The following EPB41L3 variants were observed in gnomAD, a reference collection of about 807,000 sequenced individuals.
EPB41L3 encodes erythrocyte membrane protein band 4.1 like 3, also known as band 4.1-like protein 3.
In EPB41L3, 57 loss-of-function variants were observed where a neutral mutation model predicts 127.1. The ratio of observed to expected loss-of-function variants is 0.45; its 90% CI spans 0.36 to 0.56. The LOEUF (loss-of-function observed/expected upper bound fraction) is 0.56. EPB41L3 is among the 20% of genes least tolerant of loss of function. EPB41L3 has a pLI of 0.00. For synonymous variants in EPB41L3, 572 were observed against 549.5 expected (o/e 1.04, Z -0.57); for missense variants, 1,273 against 1,372.2 (o/e 0.93, Z 1.14).
At chr18:5,552,469 C>T (rs1317309154) in intron 3 of EPB41L3, among the ~76,000 whole-genome samples, 3 of 152,176 alleles carry the variant, frequency 2.0e-5, no homozygotes, top group African/African-American at 7.2e-5. Flanking sequence ...ATAGAAGGTT[C>T]CAGCAGGTAC....
chr18:5,426,588 C>T (rs1425898244), intron 9 of EPB41L3, among the ~76,000 whole-genome samples: 2 of 152,156 alleles, frequency 1.3e-5, no homozygotes, highest in African/African-American at 4.8e-5. Flanking sequence ...GATTTAAAAC[C>T]TCCCATGACT....
At chr18:5,522,041 C>G (rs75070605) in intron 1 of EPB41L3, among the ~76,000 whole-genome samples, 4 of 152,060 alleles carry the variant, frequency 2.6e-5, no homozygotes, top group Non-Finnish European at 5.9e-5. Context: ...TTACAACAAG[C>G]AAAAGGGTTA....
chr18:5,408,957 G>A (rs564840645), intron 14 of EPB41L3, among the ~76,000 whole-genome samples: 1 of 152,324 alleles, frequency 6.6e-6, no homozygotes, highest in East Asian at 1.9e-4. Context: ...GAAATTCTAG[G>A]TGAGAAAAGG....
intron 15 of EPB41L3, among the ~76,000 whole-genome samples, chr18:5,407,498 C>T (rs369696777): frequency 1.3e-5 from 2 of 152,108 alleles, no homozygotes; most frequent in African/African-American, 4.8e-5. Flanking sequence ...TTTAATCAGA[C>T]TATTCTGAAA....
intron 5 of EPB41L3, among the ~76,000 whole-genome samples, chr18:5,438,677 G>C (rs548107645): frequency 1.2e-4 from 19 of 152,300 alleles, no homozygotes; most frequent in African/African-American, 3.4e-4. Context: ...TTCTTGCTCA[G>C]GGAAATTTTT....
At chr18:5,554,417 T>A (rs2094006033) in intron 3 of EPB41L3, among the ~76,000 whole-genome samples, 1 of 152,168 alleles carries the variant, frequency 6.6e-6, no homozygotes, top group Admixed American at 6.5e-5. Context: ...ATTGAAGAAT[T>A]AGCTTGCCCA....
intron 1 of EPB41L3, 65 bp from the exon 2 acceptor site, chr18:5,489,259 TAGGATGCTCACCGTGAA>T: frequency 6.6e-7 from 1 of 1,525,998 alleles, no homozygotes; most frequent in Admixed American, 2.4e-5. Context: ...GCAAGAAAAC[TAGGATGCTCACCGTGAA>T]AGGCTCAAGA....
chr18:5,580,090 C>A (rs988902791), intron 3 of EPB41L3, among the ~76,000 whole-genome samples: 8 of 152,196 alleles, frequency 5.3e-5, no homozygotes, highest in African/African-American at 1.9e-4. Context: ...CTGGCTCTCT[C>A]CTGGCTCCAT....
At chr18:5,541,745 G>A (rs1217059285) in intron 1 of EPB41L3, among the ~76,000 whole-genome samples, 1 of 152,202 alleles carries the variant, frequency 6.6e-6, no homozygotes, top group African/African-American at 2.4e-5. Flanking sequence ...TCATGCAGAA[G>A]AAATGTCTTA....
At chr18:5,484,109 A>AAAAAAAAAAAAAAAAAAAAAAAAAC (rs2089223189) in intron 2 of EPB41L3, among the ~76,000 whole-genome samples, 1 of 143,806 alleles carries the variant, frequency 7.0e-6, no homozygotes, top group Non-Finnish European at 1.5e-5. Flanking sequence ...AAAAAAAAAA[A>AAAAAAAAAAAAAAAAAAAAAAAAAC]AAAAAAAAAA....
At chr18:5,420,982 C>T (rs1212547698) in intron 11 of EPB41L3, among the ~76,000 whole-genome samples, 1 of 152,196 alleles carries the variant, frequency 6.6e-6, no homozygotes, top group African/African-American at 2.4e-5. Context: ...GACACAACTT[C>T]CTAATGGACC....
At chr18:5,586,357 T>G (rs1378729360) in intron 3 of EPB41L3, among the ~76,000 whole-genome samples, 1 of 152,026 alleles carries the variant, frequency 6.6e-6, no homozygotes, top group Non-Finnish European at 1.5e-5. Context: ...TCTAAATGAT[T>G]TCTTTTAAAG....
Position 5,392,556 on chromosome 18 carries a change from G to A in EPB41L3, c.*929C>T, listed in dbSNP as rs556434184. 1.3e-5 allele frequency: 2 copies of A among 152,604 alleles called. No individual in the cohort carries two copies. Among genetic ancestry groups the A allele is most frequent in the South Asian group, 4.1e-4 (2 of 4,822 alleles). 9.5% of individuals were successfully genotyped at this position (152,604 alleles called of 1,614,324 possible). On this transcript the variant is annotated 3_prime_UTR_variant, in exon 23 of 23. Coordinates refer to ENST00000341928, the MANE Select transcript of EPB41L3 (RefSeq NM_012307.5). ...TCTGTACAGTTTAAGGCTTGGCTCT[G>A]AACTAGAATGTAAATATGGACCAGA...
At chr18:5,516,010 A>T (rs2092735558) in intron 1 of EPB41L3, among the ~76,000 whole-genome samples, 1 of 152,214 alleles carries the variant, frequency 6.6e-6, no homozygotes, top group Non-Finnish European at 1.5e-5. Flanking sequence ...ACCAAACGCA[A>T]GTAAGTGCCC....
chr18:5,555,420 C>T (rs926699323), intron 3 of EPB41L3, among the ~76,000 whole-genome samples: 1 of 152,136 alleles, frequency 6.6e-6, no homozygotes, highest in Non-Finnish European at 1.5e-5. Context: ...GGCAGTGGGT[C>T]TCTTTTACTC....
At chr18:5,590,298 C>T (rs1405428833) in intron 3 of EPB41L3, among the ~76,000 whole-genome samples, 2 of 152,138 alleles carry the variant, frequency 1.3e-5, no homozygotes, top group African/African-American at 2.4e-5. Flanking sequence ...TAATCAGTAG[C>T]TCAGATAGTA....
chr18:5,488,585 A>ATG (rs2090175979), intron 2 of EPB41L3, among the ~76,000 whole-genome samples: 1 of 147,724 alleles, frequency 6.8e-6, no homozygotes, highest in Non-Finnish European at 1.5e-5. Context: ...TGATGATGAT[A>ATG]ATAATAATAA....
At position 5,412,974 on chromosome 18, in the gene EPB41L3, C is replaced by A. The variant is rs1231523793; in HGVS notation, c.2068-2355G>T. Among the ~76,000 whole-genome samples the A allele has an allele frequency of 3.3e-5, 5 of 152,040 alleles. No homozygotes were observed. The East Asian group carries it at 9.7e-4, about 29-fold the overall frequency. On this transcript the variant is annotated intron_variant, in intron 13 of 22. Transcript: ENST00000341928. ...GTCCACATATAAAATTTCTTGAATT[C>A]CTACTTAGCATTTAGTCAGTCAGTC...
intron 1 of EPB41L3, among the ~76,000 whole-genome samples, chr18:5,619,352 TC>T (rs1444143756): frequency 6.6e-6 from 1 of 152,242 alleles, no homozygotes. Flanking sequence ...ATGGCTCTTT[TC>T]TTTTTTATGT....
Sources: gnomAD v4.1 joint callset for allele counts (sites outside exome capture counted in the v4.1 genomes callset) on GRCh38, gnomAD v4.1.1 for gene constraint, MANE v1.5 for transcripts, NCBI Gene and HGNC (gene_info 2026-07-23, HGNC 2026-07-21) for gene names.